Variants in CTR9 observed in about 807,000 individuals in gnomAD.
CTR9 encodes the protein RNA polymerase-associated protein CTR9 homolog.
A neutral mutation model predicts 152.1 loss-of-function variants in CTR9; 41 were observed. The observed-to-expected ratio is 0.27, with a 90% CI of 0.21 to 0.35. The LOEUF is 0.35. Among genes scored for constraint, CTR9 ranks in the 10% least tolerant of loss-of-function variants. CTR9 has a pLI of 1.00. For synonymous variants in CTR9, 476 were observed against 496.2 expected (o/e 0.96, Z 0.54); for missense variants, 917 against 1,424.4 (o/e 0.64, Z 5.73).
chr11:10,770,909 G>T (rs1759276907), intron 18 of CTR9, among the ~76,000 whole-genome samples: 2 of 152,114 alleles, frequency 1.3e-5, no homozygotes, highest in South Asian at 4.1e-4. Flanking sequence ...GGCTAGCTTT[G>T]CAAACTTGCC....
chr11:10,757,439 C>T (rs1327113634), intron 5 of CTR9, among the ~76,000 whole-genome samples: 3 of 151,768 alleles, frequency 2.0e-5, no homozygotes, highest in East Asian at 1.9e-4. Flanking sequence ...GAAAATCAGC[C>T]GCACATGGTA....
intron 24 of CTR9, among the ~76,000 whole-genome samples, chr11:10,775,938 A>G (rs1327105039): frequency 1.3e-5 from 2 of 152,086 alleles, no homozygotes; most frequent in Non-Finnish European, 2.9e-5. Flanking sequence ...TTCTTCATGG[A>G]TGTTAGCTGA....
At chr11:10,752,594 A>G (rs940002356) in intron 1 of CTR9, 78 bp from the exon 2 acceptor site, 2 of 990,880 alleles carry the variant, frequency 2.0e-6, no homozygotes, top group Non-Finnish European at 3.2e-6. Context: ...CATGTTGATT[A>G]TATTCACGAA....
chr11:10,751,604 T>A (rs1056416996), intron 1 of CTR9, 147 bp downstream of exon 1: 12 of 784,614 alleles, frequency 1.5e-5, no homozygotes, highest in African/African-American at 8.5e-5. Context: ...GATCATCATC[T>A]TCTTCAGCCC....
chr11:10,760,370 A>G (rs772262479), intron 6 of CTR9, 49 bp downstream of exon 6: 3 of 1,545,380 alleles, frequency 1.9e-6, no homozygotes, highest in Non-Finnish European at 2.7e-6. Context: ...TGTCAGGCCC[A>G]CAGCCTCTTA....
Position 10,756,729 on chromosome 11 carries a change from A to G in CTR9, c.503-20A>G. On this transcript the variant is annotated intron_variant, in intron 4 of 24. Transcript: ENST00000361367. Reference sequence around the variant, plus strand: ...TAGCCTTTAATCAGACACTGTGTTTATTTTTAAAAATCATTACAGGTAAAG... The same window carrying G: ...TAGCCTTTAATCAGACACTGTGTTTGTTTTTAAAAATCATTACAGGTAAAG... The G allele has an allele frequency of 1.3e-6, 2 of 1,575,742 alleles. No individual in the cohort carries two copies. Among genetic ancestry groups the G allele is most frequent in the Non-Finnish European group, 1.7e-6 (2 of 1,150,768 alleles).
Position 10,770,330 on chromosome 11 carries a change from A to T in CTR9, c.2226+4A>T, listed in dbSNP as rs1047396415. On this transcript the variant is annotated splice_donor_region_variant and intron_variant, in intron 17 of 24. Transcript: ENST00000361367. ...ATGCAAACAGACTTTGCTGAAGGTAAAAAGGAGAGATGTTATTCCCATCCA... is the reference window on the plus strand; with the variant it reads ...ATGCAAACAGACTTTGCTGAAGGTATAAAGGAGAGATGTTATTCCCATCCA... The T allele has an allele frequency of 1.2e-6, 2 of 1,610,188 alleles. No homozygotes were observed. The highest frequency in any genetic ancestry group is 3.4e-5 in the Admixed American group (2 of 59,536).
In CTR9 at chr11:10,776,591, T is replaced by C. The variant is rs116649377; in HGVS notation, c.3095+958T>C. 1.8e-3 allele frequency among the ~76,000 whole-genome samples: 279 copies of C among 152,308 alleles called. 6 individuals are homozygous for C. The highest frequency in any genetic ancestry group is 6.3e-3 in the African/African-American group (262 of 41,564). The stretch of plus-strand genomic sequence containing the variant: ...CATCGAGTGTGTGAGACAGTGTAAG[T>C]GCTGGGAATACAGAGAGAAAAGATA... On this transcript the variant is annotated intron_variant, in intron 24 of 24. Coordinates refer to ENST00000361367, the MANE Select transcript of CTR9 (RefSeq NM_014633.5).
intron 19 of CTR9, among the ~76,000 whole-genome samples, chr11:10,772,100 A>C (rs982258516): frequency 6.6e-6 from 1 of 152,158 alleles, no homozygotes; most frequent in Non-Finnish European, 1.5e-5. Flanking sequence ...TCACACCTGT[A>C]ATCCTGGCAC....
At chr11:10,766,218 A>G in intron 12 of CTR9, 184 bp from the exon 13 acceptor site, 1 of 585,236 alleles carries the variant, frequency 1.7e-6, no homozygotes, top group Non-Finnish European at 3.0e-6. Flanking sequence ...CAGTAAGTCT[A>G]GATGGTGACA....
At chr11:10,766,516 G>T (rs781768600) in intron 13 of CTR9, 26 bp downstream of exon 13, 1 of 1,464,938 alleles carries the variant, frequency 6.8e-7, no homozygotes, top group East Asian at 2.4e-5. Flanking sequence ...TCTTAGGTTT[G>T]AGAAATAATT....
chr11:10,753,332 C>T (rs940262307), intron 2 of CTR9, among the ~76,000 whole-genome samples: 2 of 152,112 alleles, frequency 1.3e-5, no homozygotes, highest in Non-Finnish European at 2.9e-5. Context: ...CCTCTACTTG[C>T]CAGCATCAGC....
chr11:10,764,108 C>T lies in CTR9; in HGVS notation c.1195-4C>T, dbSNP rs561449080. 3 of 1,613,712 alleles carry T rather than the reference C, an allele frequency of 1.9e-6. No individual in the cohort carries two copies. The highest frequency in any genetic ancestry group is 2.7e-5 in the African/African-American group (2 of 74,976). On this transcript the variant is annotated splice_region_variant and splice_polypyrimidine_tract_variant and intron_variant, in intron 9 of 24. Transcript: ENST00000361367. ...CTTCAGCTTAACAATCTCTTTTATC[C>T]CAGGGCCATTTGAAGAAGGTCACAG... is the stretch of plus-strand genomic sequence containing the variant.
intron 24 of CTR9, among the ~76,000 whole-genome samples, chr11:10,777,435 C>T (rs6484492): frequency 1 from 152,181 of 152,350 alleles, 76,006 homozygotes; most frequent in Middle Eastern, 1. Context: ...GTTCCCTTTT[C>T]CTCTGAAGGC....
chr11:10,752,139 G>A (rs1590015977), intron 1 of CTR9, among the ~76,000 whole-genome samples: 1 of 152,142 alleles, frequency 6.6e-6, no homozygotes, highest in East Asian at 1.9e-4. Flanking sequence ...AAATTCAGTG[G>A]TTTTTAGTGT....
intron 6 of CTR9, among the ~76,000 whole-genome samples, chr11:10,761,554 G>C (rs1236792817): frequency 6.6e-6 from 1 of 152,040 alleles, no homozygotes; most frequent in Non-Finnish European, 1.5e-5. Flanking sequence ...AGGCTGCAGT[G>C]AGCTGTGTTC....
chr11:10,761,904 T>C, intron 6 of CTR9, 43 bp from the exon 7 acceptor site: 1 of 1,291,398 alleles, frequency 7.7e-7, no homozygotes, highest in Non-Finnish European at 1.1e-6. Flanking sequence ...AGTGCTAATT[T>C]AGTATTGTTT....
At chr11:10,770,797 A>G (rs1266575182) in intron 18 of CTR9, among the ~76,000 whole-genome samples, 165 bp downstream of exon 18, 1 of 152,218 alleles carries the variant, frequency 6.6e-6, no homozygotes, top group African/African-American at 2.4e-5. Context: ...CATTCCAGCA[A>G]TAGTTAAGCC....
At chr11:10,764,266 C>T (rs765377774) in intron 10 of CTR9, 42 bp from the exon 11 acceptor site, 8 of 1,613,752 alleles carry the variant, frequency 5.0e-6, no homozygotes, top group Non-Finnish European at 6.8e-6. Flanking sequence ...TGTAGTGTCT[C>T]TCTTCCACTT....
Sources: allele counts gnomAD v4.1 joint callset (sites outside exome capture counted in the v4.1 genomes callset), GRCh38; gene constraint gnomAD v4.1.1; transcripts MANE v1.5; gene names NCBI Gene and HGNC (gene_info 2026-07-23, HGNC 2026-07-21).